TAFA5: variants seen among roughly 807,000 people sequenced by gnomAD.
TAFA5 encodes the protein chemokine-like protein TAFA-5.
TAFA5 carries 6 observed loss-of-function variants against 15.3 expected under a neutral mutation model. That is an observed-to-expected ratio of 0.39 (90% CI 0.21 to 0.77). The LOEUF (loss-of-function observed/expected upper bound fraction) is 0.77, where lower values mean the gene tolerates loss of function less well. Ranked by LOEUF, TAFA5 falls within the 30% of genes least tolerant of loss-of-function variation. The pLI is 0.41. For missense variants in TAFA5, 161 were observed against 193.1 expected (o/e 0.83, Z 0.98); for synonymous variants, 103 against 80.7 (o/e 1.28, Z -1.48).
intron 1 of TAFA5, among the ~76,000 whole-genome samples, chr22:48,520,997 G>C (rs972954540): frequency 1.3e-5 from 2 of 152,196 alleles, no homozygotes; most frequent in African/African-American, 4.8e-5. Context: ...AGTTCTGCCT[G>C]TGTTCAAAAG....
chr22:48,633,506 CTGTCTGTCTGTCTGTCTGTCTG>C (rs1459211293), intron 1 of TAFA5, among the ~76,000 whole-genome samples: 4 of 68,648 alleles, frequency 5.8e-5, no homozygotes, highest in Non-Finnish European at 8.0e-5. Context: ...GTCTGTCTGT[CTGTCTGTCTGTCTGTCTGTCTG>C]TCTGTCTCTC....
At chr22:48,539,045 G>A (rs570080806) in intron 1 of TAFA5, 1 of 218,548 alleles carries the variant, frequency 4.6e-6, no homozygotes, top group Non-Finnish European at 9.3e-6. Flanking sequence ...GAGTTCACAG[G>A]GGGTGGGAGC....
At position 48,646,695 on chromosome 22, in the gene TAFA5, A is replaced by G. The variant is rs1335900068; in HGVS notation, c.211A>G (p.Arg71Gly). The change falls in exon 2 of 4, where the codon AGA becomes GGA. Residue 71 changes from arginine (R) to glycine (G), a missense_variant. Physicochemically the swap from Arg to Gly is moderately radical, Grantham distance 125 (BLOSUM62 -2). Transcript: ENST00000402357. ...CCGGCAGACCGCCCGCTGTGCGTGT[A>G]GAAAGGGGCAGATCGCCGGCACCAC... is the stretch of plus-strand genomic sequence containing the variant. ...IARQTARCAC[R>G]KGQIAGTTRA... is the part of the protein sequence containing the mutation. The G allele has an allele frequency of 1.9e-6, 3 of 1,608,024 alleles. No individual in the cohort carries two copies. The highest frequency in any genetic ancestry group is 2.5e-6 in the Non-Finnish European group (3 of 1,178,894).
intron 1 of TAFA5, among the ~76,000 whole-genome samples, chr22:48,564,135 G>A (rs545001777): frequency 2.5e-4 from 38 of 152,350 alleles, no homozygotes; most frequent in Non-Finnish European, 3.2e-4. Context: ...CCCTGGTCAC[G>A]CTGTGGGCAG....
intron 3 of TAFA5, among the ~76,000 whole-genome samples, chr22:48,736,577 A>G (rs371152279): frequency 1.3e-5 from 2 of 152,224 alleles, no homozygotes; most frequent in African/African-American, 2.4e-5. Context: ...CAGAAAGTGG[A>G]AAGAGCCCAA....
intron 1 of TAFA5, among the ~76,000 whole-genome samples, chr22:48,526,631 A>G (rs1393515643): frequency 6.6e-6 from 1 of 152,190 alleles, no homozygotes. Context: ...CCTGGTCCTT[A>G]CAAGAAGAGA....
At chr22:48,561,756 C>T (rs1923238455) in intron 1 of TAFA5, among the ~76,000 whole-genome samples, 1 of 152,222 alleles carries the variant, frequency 6.6e-6, no homozygotes, top group Non-Finnish European at 1.5e-5. Flanking sequence ...TAAACCATTT[C>T]TGGTGCTGGG....
intron 1 of TAFA5, among the ~76,000 whole-genome samples, chr22:48,527,116 GC>G (rs2147110475): frequency 6.6e-6 from 1 of 152,364 alleles, no homozygotes; most frequent in African/African-American, 2.4e-5. Flanking sequence ...TGCCCCGTGG[GC>G]CCTTGCTGGC....
At chr22:48,624,500 A>T (rs779596177) in intron 1 of TAFA5, among the ~76,000 whole-genome samples, 2 of 152,152 alleles carry the variant, frequency 1.3e-5, no homozygotes, top group Non-Finnish European at 2.9e-5. Context: ...CCCATTTCGT[A>T]ATCGGTTCAG....
At chr22:48,539,275 A>G (rs554257035) in intron 1 of TAFA5, 376 of 447,194 alleles carry the variant, frequency 8.4e-4, no homozygotes, top group Non-Finnish European at 1.6e-3. Flanking sequence ...AGGTGGCCAG[A>G]AAGACCCTGG....
rs189522657 is a variant in TAFA5, at chr22:48,690,901, G to C, written c.263-16816G>C. 9.2e-4 allele frequency among the ~76,000 whole-genome samples: 140 copies of C among 152,280 alleles called. 1 individual carries two copies. Among genetic ancestry groups the C allele is most frequent in the African/African-American group, 3.2e-3 (131 of 41,572 alleles). ...TGATCCAGGCACAGAGCTGCCTGTC[G>C]TGGAGGGAGGACGCCTCGCCTCCTG... On this transcript the variant is annotated intron_variant, in intron 2 of 3. Coordinates refer to ENST00000402357, the MANE Select transcript of TAFA5 (RefSeq NM_001082967.3).
At chr22:48,576,629 T>A (rs930444681) in intron 1 of TAFA5, 5 of 1,305,922 alleles carry the variant, frequency 3.8e-6, no homozygotes, top group Non-Finnish European at 4.9e-6. Flanking sequence ...TCGCGGCGGC[T>A]CCGGCGCCCG....
Position 48,531,391 on chromosome 22 carries a change from T to C in TAFA5, c.112+41687T>C, listed in dbSNP as rs558199872. On this transcript the variant is annotated intron_variant, in intron 1 of 3. Transcript: ENST00000402357. ...CCTGGAGCGGACAGTGAGAGGGGCTTTCTTGCAGACAACGTGAGTCTTGCG... is the reference window on the plus strand; with the variant it reads ...CCTGGAGCGGACAGTGAGAGGGGCTCTCTTGCAGACAACGTGAGTCTTGCG... 2.0e-4 allele frequency among the ~76,000 whole-genome samples: 30 copies of C among 152,246 alleles called. No homozygotes were observed. In the South Asian group the frequency reaches 3.7e-3, roughly 19 times the overall value.
At chr22:48,732,302 G>C (rs1293033200) in intron 3 of TAFA5, among the ~76,000 whole-genome samples, 2 of 152,210 alleles carry the variant, frequency 1.3e-5, no homozygotes, top group East Asian at 1.9e-4. Flanking sequence ...CCAGGCTGGA[G>C]TGCAGTGGCG....
At chr22:48,553,772 T>A (rs1176456078) in intron 1 of TAFA5, among the ~76,000 whole-genome samples, 2 of 152,190 alleles carry the variant, frequency 1.3e-5, no homozygotes, top group Middle Eastern at 3.2e-3. Flanking sequence ...AGCCCTGGCA[T>A]GCCCGGTCCT....
At chr22:48,656,005 A>ATT (rs71194371) in intron 2 of TAFA5, among the ~76,000 whole-genome samples, 5 of 147,844 alleles carry the variant, frequency 3.4e-5, no homozygotes, top group Admixed American at 1.3e-4. Flanking sequence ...CACCCGGCTA[A>ATT]TTTTTTTTTT....
chr22:48,737,596 G>A (rs907515797), intron 3 of TAFA5, among the ~76,000 whole-genome samples: 2 of 152,240 alleles, frequency 1.3e-5, no homozygotes, highest in African/African-American at 2.4e-5. Flanking sequence ...GAGCTTCAGA[G>A]CTGCACCATG....
At chr22:48,655,757 G>A (rs996404145) in intron 2 of TAFA5, among the ~76,000 whole-genome samples, 6 of 151,752 alleles carry the variant, frequency 4.0e-5, no homozygotes, top group Non-Finnish European at 8.8e-5. Context: ...TGAGCTGTGG[G>A]CAGAGAAGCA....
intron 1 of TAFA5, among the ~76,000 whole-genome samples, chr22:48,505,468 ACCTGAGTGTGCCAGG>A (rs1920985137): frequency 6.6e-6 from 1 of 152,162 alleles, no homozygotes; most frequent in African/African-American, 2.4e-5. Context: ...GCTCTGTCTT[ACCTGAGTGTGCCAGG>A]CCTGGGATTT....
Sources: gnomAD v4.1 joint callset for allele counts (sites outside exome capture counted in the v4.1 genomes callset) on GRCh38, gnomAD v4.1.1 for gene constraint, MANE v1.5 for transcripts, NCBI Gene and HGNC (gene_info 2026-07-23, HGNC 2026-07-21) for gene names.